KCNT2: variants seen among roughly 807,000 people sequenced by gnomAD.
KCNT2 encodes the protein potassium channel subfamily T member 2.
Under a neutral mutation model 153.8 loss-of-function variants are expected in KCNT2, and 67 were observed. The ratio of observed to expected loss-of-function variants is 0.44; its 90% confidence interval spans 0.36 to 0.53. The LOEUF is 0.53. Among genes scored for constraint, KCNT2 ranks in the 20% least tolerant of loss-of-function variants. The pLI is 0.00. For missense variants in KCNT2, 975 were observed against 1,354.8 expected (o/e 0.72, Z 4.40); for synonymous variants, 500 against 458.8 (o/e 1.09, Z -1.15).
intron 1 of KCNT2, among the ~76,000 whole-genome samples, chr1:196,554,422 C>T (rs1658362442): frequency 6.6e-5 from 10 of 151,070 alleles, no homozygotes. Flanking sequence ...GGATAATTTC[C>T]TAGACACATA....
intron 1 of KCNT2, among the ~76,000 whole-genome samples, chr1:196,544,322 A>G (rs1656780434): frequency 6.6e-6 from 1 of 151,982 alleles, no homozygotes; most frequent in South Asian, 2.1e-4. Context: ...TTATAGATGT[A>G]TAGAATATGT....
chr1:196,498,526 C>T (rs1680432532), intron 1 of KCNT2, among the ~76,000 whole-genome samples: 1 of 152,120 alleles, frequency 6.6e-6, no homozygotes, highest in South Asian at 2.1e-4. Flanking sequence ...TCTGCCTGGA[C>T]CTTCTGGTCT....
intron 8 of KCNT2, among the ~76,000 whole-genome samples, chr1:196,463,994 T>C (rs1023372509): frequency 6.6e-6 from 1 of 151,884 alleles, no homozygotes; most frequent in Admixed American, 6.6e-5. Flanking sequence ...CCACATTATA[T>C]TTAGTAATCA....
chr1:196,348,606 C>A (rs1187804359), intron 14 of KCNT2, among the ~76,000 whole-genome samples: 1 of 152,058 alleles, frequency 6.6e-6, no homozygotes, highest in African/African-American at 2.4e-5. Context: ...AAAATCATTG[C>A]TAGCTACAGC....
In KCNT2 at chr1:196,373,140, T is replaced by C. The variant is rs777751662; in HGVS notation, c.1403A>G (p.Gln468Arg). 2.2e-6 allele frequency: 3 copies of C among 1,371,258 alleles called. No individual in the cohort carries two copies. The highest frequency in any genetic ancestry group is 3.1e-6 in the Non-Finnish European group (3 of 967,464). The allele number at this position is 1,371,258 out of a possible 1,614,324, so 84.9% of individuals were successfully genotyped here. ...ITLLVHTSRG[Q>R]EGQQSPEQWQ... ...TAACTTAAAGAAAAAATATACTTACTGCCCTCTAGAGGTATGAACCAGTAG... is the reference window on the plus strand; with the variant it reads ...TAACTTAAAGAAAAAATATACTTACCGCCCTCTAGAGGTATGAACCAGTAG... The change falls in exon 14 of 28, where the codon CAA becomes CGA. Residue 468 changes from glutamine (Q) to arginine (R), a missense_variant and splice_region_variant. This residue lies in a region of KCNT2 where 325 missense variants were observed against 388.1 expected (regional missense o/e 0.84). Transcript: ENST00000294725.
At chr1:196,254,198 T>A (rs2102309652) in intron 26 of KCNT2, among the ~76,000 whole-genome samples, 1 of 151,574 alleles carries the variant, frequency 6.6e-6, no homozygotes, top group South Asian at 2.1e-4. Flanking sequence ...CCTAATAAAG[T>A]TCTATGAACA....
At chr1:196,568,554 C>T (rs1660387348) in intron 1 of KCNT2, among the ~76,000 whole-genome samples, 1 of 151,104 alleles carries the variant, frequency 6.6e-6, no homozygotes. Flanking sequence ...AGAGATCGCG[C>T]CACTGCACTC....
chr1:196,342,426 ATATATATATATATATATATATG>A (rs1319011791), intron 14 of KCNT2, among the ~76,000 whole-genome samples, 198 bp from the exon 15 acceptor site: 13 of 115,468 alleles, frequency 1.1e-4, no homozygotes, highest in African/African-American at 3.8e-4. Flanking sequence ...AATACTATAT[ATATATATATATATATATATATG>A]TATATATATA....
intron 1 of KCNT2, among the ~76,000 whole-genome samples, chr1:196,582,945 T>A (rs557134958): frequency 6.6e-6 from 1 of 152,186 alleles, no homozygotes; most frequent in Admixed American, 6.6e-5. Flanking sequence ...GAGATTTGCA[T>A]AGCGAAAAAG....
At chr1:196,603,166 GTCGATA>G (rs1664946511) in intron 1 of KCNT2, among the ~76,000 whole-genome samples, 2 of 152,118 alleles carry the variant, frequency 1.3e-5, no homozygotes, top group Non-Finnish European at 2.9e-5. Context: ...TCTTAATAAA[GTCGATA>G]TTGATAAGAA....
chr1:196,232,656 C>G (rs1246212578), intron 27 of KCNT2, among the ~76,000 whole-genome samples: 1 of 151,316 alleles, frequency 6.6e-6, no homozygotes, highest in East Asian at 1.9e-4. Context: ...ATAAGAGTAT[C>G]TAAAAGACAG....
At chr1:196,433,011 A>T (rs911047828) in intron 8 of KCNT2, among the ~76,000 whole-genome samples, 1 of 152,102 alleles carries the variant, frequency 6.6e-6, no homozygotes, top group African/African-American at 2.4e-5. Flanking sequence ...GTGATAAGTC[A>T]TGAGGGTAGA....
At chr1:196,246,030 C>G (rs965624271) in intron 26 of KCNT2, among the ~76,000 whole-genome samples, 4 of 152,042 alleles carry the variant, frequency 2.6e-5, no homozygotes, top group African/African-American at 9.7e-5. Flanking sequence ...CAAAATAAGA[C>G]TACTTTAAGA....
At chr1:196,303,914 C>T (rs1320953292) in intron 22 of KCNT2, among the ~76,000 whole-genome samples, 5 of 152,144 alleles carry the variant, frequency 3.3e-5, no homozygotes, top group Non-Finnish European at 7.3e-5. Context: ...GCTTTCAAGT[C>T]TGAGTCAATT....
intron 8 of KCNT2, among the ~76,000 whole-genome samples, chr1:196,448,775 T>C (rs1675908135): frequency 6.6e-6 from 1 of 151,594 alleles, no homozygotes; most frequent in Admixed American, 6.6e-5. Flanking sequence ...AAGAAAGAGG[T>C]ACACCAAGAT....
chr1:196,513,451 C>A (rs182067515), intron 1 of KCNT2, among the ~76,000 whole-genome samples: 1 of 152,330 alleles, frequency 6.6e-6, no homozygotes, highest in East Asian at 1.9e-4. Context: ...AAAATGCATG[C>A]TTCTGATTTG....
intron 5 of KCNT2, among the ~76,000 whole-genome samples, chr1:196,477,717 CCACTCCAATGACTTTCTATCTT>C (rs1557986495): frequency 6.6e-6 from 1 of 152,134 alleles, no homozygotes; most frequent in East Asian, 1.9e-4. Context: ...ATTATGACAA[CCACTCCAATGACTTTCTATCTT>C]TTCTAACTTC....
rs140067051 is a variant in KCNT2 at position 196,469,252 on chromosome 1, C to A, written c.385-184G>T. Among the ~76,000 whole-genome samples, 306 of 152,180 alleles carry A rather than the reference C, an allele frequency of 2.0e-3. 3 individuals carry two copies. Among genetic ancestry groups the A allele is most frequent in the African/African-American group, 7.1e-3 (297 of 41,546 alleles). ...TTTTCTTAGGGTAATTGTGCTCTCT[C>A]AATTTTGTAAGTTTAAGAAGTAAAA... is the stretch of plus-strand genomic sequence containing the variant. On this transcript the variant is annotated intron_variant, in intron 5 of 27. Coordinates refer to ENST00000294725, the MANE Select transcript of KCNT2 (RefSeq NM_198503.5).
intron 14 of KCNT2, among the ~76,000 whole-genome samples, chr1:196,366,217 T>C (rs576234838): frequency 1.3e-5 from 2 of 152,000 alleles, no homozygotes; most frequent in East Asian, 1.9e-4. Flanking sequence ...TGGAGTGCAA[T>C]GGCGCGATCT....
Sources: gnomAD v4.1 joint callset for allele counts (sites outside exome capture counted in the v4.1 genomes callset) on GRCh38, gnomAD v4.1.1 for gene constraint, gnomAD v4.1.1 regional missense constraint, MANE v1.5 for transcripts, NCBI Gene and HGNC (gene_info 2026-07-23, HGNC 2026-07-21) for gene names.